Variants in RBM27 observed in about 807,000 individuals in gnomAD.
The protein encoded by RBM27 is RNA binding motif protein 27.
Under a neutral mutation model 135.3 loss-of-function variants are expected in RBM27, and 22 were observed. The ratio of observed to expected loss-of-function variants is 0.16; its 90% CI spans 0.12 to 0.23. RBM27 has a LOEUF of 0.23. Among genes scored for constraint, RBM27 ranks in the 10% least tolerant of loss-of-function variants. The pLI, the probability that RBM27 is intolerant of heterozygous loss-of-function variation, is 1.00. For synonymous variants in RBM27, 481 were observed against 442.4 expected (o/e 1.09, Z -1.10); for missense variants, 1,009 against 1,281.0 (o/e 0.79, Z 3.24).
chr5:146,267,814 G>T, intron 15 of RBM27, 46 bp downstream of exon 15: 2 of 1,574,810 alleles, frequency 1.3e-6, no homozygotes, highest in Non-Finnish European at 1.7e-6. Context: ...AAGATGCCTT[G>T]AATTTTTAAG....
chr5:146,229,988 A>G (rs2126748981), intron 5 of RBM27, 78 bp downstream of exon 5: 4 of 1,518,216 alleles, frequency 2.6e-6, no homozygotes, highest in African/African-American at 2.7e-5. Flanking sequence ...AAATTCTCTT[A>G]AAGTTGTACC....
chr5:146,232,600 C>T (rs540582825), intron 6 of RBM27, among the ~76,000 whole-genome samples: 7 of 151,634 alleles, frequency 4.6e-5, no homozygotes, highest in Non-Finnish European at 7.4e-5. Flanking sequence ...GATGGAGTCT[C>T]GCTCTGTCAC....
chr5:146,277,067 G>A (rs1759121387), intron 19 of RBM27, among the ~76,000 whole-genome samples: 2 of 152,136 alleles, frequency 1.3e-5, no homozygotes, highest in Non-Finnish European at 2.9e-5. Context: ...GTGAAATATG[G>A]CAATGGTAAT....
chr5:146,226,906 T>C (rs1414467042), intron 3 of RBM27, among the ~76,000 whole-genome samples: 1 of 152,194 alleles, frequency 6.6e-6, no homozygotes, highest in Non-Finnish European at 1.5e-5. Context: ...CATTTAGTAG[T>C]GCATAAACAT....
intron 8 of RBM27, among the ~76,000 whole-genome samples, chr5:146,249,220 T>G (rs1190062281): frequency 6.6e-6 from 1 of 151,944 alleles, no homozygotes; most frequent in Non-Finnish European, 1.5e-5. Context: ...TGAGCTCAAG[T>G]AATCCTCACA....
intron 18 of RBM27, 81 bp downstream of exon 18, chr5:146,271,139 G>C: frequency 9.9e-7 from 1 of 1,005,558 alleles, no homozygotes; most frequent in Non-Finnish European, 1.5e-6. Context: ...GGTGGCTCAC[G>C]CCTGTAATCT....
intron 7 of RBM27, among the ~76,000 whole-genome samples, chr5:146,235,077 A>AAATAAATAAATAAATAAAT (rs757162116): frequency 8.9e-5 from 9 of 101,212 alleles, no homozygotes; most frequent in Non-Finnish European, 8.7e-5. Context: ...AATAAATAAA[A>AAATAAATAAATAAATAAAT]GATGGCAAAT....
intron 13 of RBM27, 124 bp downstream of exon 13, chr5:146,261,930 C>T: frequency 3.2e-6 from 3 of 938,990 alleles, no homozygotes; most frequent in East Asian, 5.2e-5. Flanking sequence ...AGACCAGTAG[C>T]ATCTGATCTC....
chr5:146,206,420 A>G (rs1581125293), intron 1 of RBM27, among the ~76,000 whole-genome samples: 1 of 137,280 alleles, frequency 7.3e-6, no homozygotes, highest in Non-Finnish European at 1.5e-5. Context: ...AAGTATGATC[A>G]TTCTGTAATT....
intron 19 of RBM27, among the ~76,000 whole-genome samples, chr5:146,276,702 A>G (rs1759105829): frequency 6.6e-6 from 1 of 152,192 alleles, no homozygotes; most frequent in Admixed American, 6.5e-5. Flanking sequence ...TGTATTTAAC[A>G]TTTGGAGAAA....
Position 146,229,903 on chromosome 5 carries a change from G to A in RBM27, c.582G>A (p.Arg194=). 1 of 1,613,844 alleles carries A rather than the reference G, an allele frequency of 6.2e-7. No individual in the cohort carries two copies. Among genetic ancestry groups the A allele is most frequent in the Non-Finnish European group, 8.5e-7 (1 of 1,179,840 alleles). The stretch of plus-strand genomic sequence containing the variant: ...GCAGCAAAGACCGGGATCCAAATAG[G>A]AATGTTGGTGAGTAGATGAGTGTCC... The part of the protein sequence containing the change: ...RGRSKDRDPN[R]NVEHRERSKF... The change falls in exon 5 of 21, where the codon AGG becomes AGA. Residue 194 remains arginine, a synonymous_variant. Transcript: ENST00000265271.
At chr5:146,262,494 G>GA (rs1758440988) in intron 13 of RBM27, among the ~76,000 whole-genome samples, 1 of 152,062 alleles carries the variant, frequency 6.6e-6, no homozygotes, top group South Asian at 2.1e-4. Context: ...ATGAAGGAAG[G>GA]AAAAAACAAA....
At chr5:146,230,026 T>G (rs1756864178) in intron 5 of RBM27, 116 bp downstream of exon 5, 4 of 1,215,538 alleles carry the variant, frequency 3.3e-6, no homozygotes, top group Non-Finnish European at 4.5e-6. Context: ...GTGTAAAAAC[T>G]GGAATTGTCT....
chr5:146,282,000 C>CTTTTTTTT (rs777368235), intron 19 of RBM27, among the ~76,000 whole-genome samples: 13 of 101,474 alleles, frequency 1.3e-4, no homozygotes, highest in African/African-American at 2.8e-4. Context: ...TATTTTTCAT[C>CTTTTTTTT]TTTTTTTTTT....
rs762720047 is a variant in RBM27, at chr5:146,233,624, G to A, written c.1025G>A (p.Gly342Asp). Residue 342 changes from glycine to aspartate, a missense_variant, in exon 7 of 21, where the codon GGC (glycine) becomes GAC (aspartate). Gly to Asp is a moderately conservative substitution (Grantham distance 94, BLOSUM62 -1). Transcript: ENST00000265271. ...LMPPMPGPGP[G>D]PGPGPGPGPG... Reference sequence around the variant, plus strand: ...CCTCCAATGCCAGGTCCAGGCCCAGGCCCGGGCCCAGGTCCAGGCCCAGGC... The same window carrying A: ...CCTCCAATGCCAGGTCCAGGCCCAGACCCGGGCCCAGGTCCAGGCCCAGGC... 8.1e-6 allele frequency: 13 copies of A among 1,600,766 alleles called. No homozygotes were observed. The South Asian group carries it at 1.3e-4, about 16-fold the overall frequency.
chr5:146,220,404 G>GGCT (rs1294257087), intron 2 of RBM27, among the ~76,000 whole-genome samples: 9 of 150,848 alleles, frequency 6.0e-5, no homozygotes, highest in Admixed American at 6.0e-4. Context: ...GAACCCAGGA[G>GGCT]GCAGAGGTTG....
chr5:146,258,257 C>CT lies in RBM27; in HGVS notation c.1595-189dup, dbSNP rs576907136. Among the ~76,000 whole-genome samples, 467 of 152,236 alleles carry CT rather than the reference C, an allele frequency of 3.1e-3. 1 individual carries two copies. Among genetic ancestry groups the CT allele is most frequent in the Non-Finnish European group, 5.1e-3 (346 of 68,022 alleles). ...GAGTCAATTATTACATCGAGGTTAA[C>CT]TTTGAGTTTTGAAACATGGATTTCT... On this transcript the variant is annotated intron_variant, in intron 10 of 20. Coordinates refer to ENST00000265271, the MANE Select transcript of RBM27 (RefSeq NM_018989.2).
chr5:146,265,928 A>G (rs1417893986), intron 14 of RBM27, among the ~76,000 whole-genome samples: 1 of 152,220 alleles, frequency 6.6e-6, no homozygotes, highest in Non-Finnish European at 1.5e-5. Context: ...ATTTTATCTT[A>G]AGCGGGAAAA....
intron 3 of RBM27, among the ~76,000 whole-genome samples, chr5:146,227,587 C>T (rs914323271): frequency 1.3e-5 from 2 of 152,062 alleles, no homozygotes; most frequent in African/African-American, 4.8e-5. Context: ...CTTTATTTCA[C>T]CTTTCTCTGG....
Sources: allele counts gnomAD v4.1 joint callset (sites outside exome capture counted in the v4.1 genomes callset), GRCh38; gene constraint gnomAD v4.1.1; transcripts MANE v1.5; gene names NCBI Gene and HGNC (gene_info 2026-07-23, HGNC 2026-07-21).